The following MRAP2 variants were observed in gnomAD, a reference collection of about 807,000 sequenced individuals.
MRAP2 encodes melanocortin 2 receptor accessory protein 2.
Under a neutral mutation model 17.4 loss-of-function variants are expected in MRAP2, and 20 were observed. That is an observed-to-expected ratio of 1.15 (90% CI 0.81 to 1.67). The LOEUF is 1.67. Among genes scored for constraint, MRAP2 ranks in the 40% most tolerant of loss-of-function variants. The pLI, the probability that MRAP2 is intolerant of heterozygous loss-of-function variation, is 0.00. For synonymous variants in MRAP2, 96 were observed against 88.4 expected (o/e 1.09, Z -0.48); for missense variants, 238 against 240.0 (o/e 0.99, Z 0.05).
the MRAP2 span, among the ~76,000 whole-genome samples, chr6:84,137,695 G>A: frequency 6.6e-6 from 1 of 152,148 alleles, no homozygotes; most frequent in Non-Finnish European, 1.5e-5. Context: ...ACTGCAGGGT[G>A]TGAAGAAATA....
chr6:84,102,177 G>A, the MRAP2 span, among the ~76,000 whole-genome samples: 1 of 152,170 alleles, frequency 6.6e-6, no homozygotes, highest in East Asian at 1.9e-4. Flanking sequence ...AATTCATAGA[G>A]CGGTTTGAAG....
At chr6:84,053,860 T>G (rs1027464602) in intron 1 of MRAP2, among the ~76,000 whole-genome samples, 6 of 152,136 alleles carry the variant, frequency 3.9e-5, no homozygotes, top group African/African-American at 1.4e-4. Flanking sequence ...TTAGGCTTTT[T>G]GGGCCCATCC....
intron 1 of MRAP2, among the ~76,000 whole-genome samples, chr6:84,053,497 C>A (rs2099490962): frequency 2.6e-5 from 4 of 152,146 alleles, no homozygotes; most frequent in Non-Finnish European, 5.9e-5. Flanking sequence ...CCGTGGCTCA[C>A]AGTTGTAATC....
At chr6:84,108,798 A>G in the MRAP2 span, among the ~76,000 whole-genome samples, 1 of 152,160 alleles carries the variant, frequency 6.6e-6, no homozygotes, top group Non-Finnish European at 1.5e-5. Flanking sequence ...CAGGGTTTTT[A>G]TAGTTTGAGG....
At chr6:84,111,578 A>G in the MRAP2 span, among the ~76,000 whole-genome samples, 5 of 152,114 alleles carry the variant, frequency 3.3e-5, no homozygotes, top group Non-Finnish European at 5.9e-5. Context: ...CTCTTTTTCT[A>G]TTTGAATACC....
chr6:84,130,473 C>T, the MRAP2 span, among the ~76,000 whole-genome samples: 4 of 152,166 alleles, frequency 2.6e-5, no homozygotes, highest in African/African-American at 9.6e-5. Flanking sequence ...TTCGGCTGTG[C>T]ACCCATCCAG....
intron 3 of MRAP2, among the ~76,000 whole-genome samples, chr6:84,069,038 T>A (rs1031175678): frequency 3.9e-5 from 6 of 152,178 alleles, no homozygotes; most frequent in African/African-American, 1.2e-4. Context: ...GATCATATCG[T>A]CAGCAAACAG....
At chr6:84,078,280 ACAAGT>A (rs2099498102) in intron 3 of MRAP2, among the ~76,000 whole-genome samples, 1 of 152,250 alleles carries the variant, frequency 6.6e-6, no homozygotes, top group African/African-American at 2.4e-5. Context: ...TAAAACTTCC[ACAAGT>A]CAAGAACAAA....
the MRAP2 span, among the ~76,000 whole-genome samples, chr6:84,105,718 T>C: frequency 2.0e-5 from 3 of 152,308 alleles, no homozygotes; most frequent in South Asian, 6.2e-4. Context: ...TTAGTCACTC[T>C]AGGCAATATC....
chr6:84,102,960 T>C, the MRAP2 span, among the ~76,000 whole-genome samples: 248 of 152,218 alleles, frequency 1.6e-3, no homozygotes, highest in Non-Finnish European at 3.0e-3. Flanking sequence ...AGAAGTAAAA[T>C]GATGACAGAG....
downstream of MRAP2, among the ~76,000 whole-genome samples, chr6:84,095,118 C>G (rs748155274): frequency 6.6e-6 from 1 of 152,196 alleles, no homozygotes; most frequent in Non-Finnish European, 1.5e-5. Flanking sequence ...CAAGGAGATG[C>G]TGTGCACACA....
the MRAP2 span, chr6:84,125,196 C>CT: frequency 6.2e-7 from 1 of 1,613,664 alleles, no homozygotes; most frequent in Non-Finnish European, 8.5e-7. Flanking sequence ...GCTCACGATT[C>CT]TTTAACTGTG....
intron 1 of MRAP2, among the ~76,000 whole-genome samples, chr6:84,042,427 G>C (rs560715530): frequency 6.6e-6 from 1 of 152,228 alleles, no homozygotes; most frequent in East Asian, 1.9e-4. Flanking sequence ...AAGGTGGCAG[G>C]AGCAAACATT....
the MRAP2 span, among the ~76,000 whole-genome samples, chr6:84,132,529 G>GACT: frequency 6.6e-6 from 1 of 152,222 alleles, no homozygotes; most frequent in South Asian, 2.1e-4. Context: ...TTTCTTGGAG[G>GACT]CTTTGTTCAT....
At chr6:84,045,375 G>GC (rs1441173188) in intron 1 of MRAP2, 3 of 985,132 alleles carry the variant, frequency 3.0e-6, no homozygotes, top group Non-Finnish European at 2.4e-6. Flanking sequence ...AGGCAAGCCT[G>GC]CCCCCAAGAC....
At chr6:84,096,479 C>T in the MRAP2 span, among the ~76,000 whole-genome samples, 1 of 152,098 alleles carries the variant, frequency 6.6e-6, no homozygotes, top group Non-Finnish European at 1.5e-5. Flanking sequence ...TATGACCTAC[C>T]AGTGTGAGTT....
At chr6:84,119,265 T>G in the MRAP2 span, among the ~76,000 whole-genome samples, 1 of 152,224 alleles carries the variant, frequency 6.6e-6, no homozygotes, top group Non-Finnish European at 1.5e-5. Context: ...ACAGATTACA[T>G]TGGGTAGTCT....
At chr6:84,047,382 G>C (rs57637233) in intron 1 of MRAP2, among the ~76,000 whole-genome samples, 2,408 of 151,464 alleles carry the variant, frequency 0.016, 63 homozygotes, top group African/African-American at 0.054. Flanking sequence ...GTAGAGACGG[G>C]GTTTTGCCAG....
intron 2 of MRAP2, 169 bp from the exon 3 acceptor site, chr6:84,062,724 C>T (rs866114909): frequency 1.0e-6 from 1 of 985,228 alleles, no homozygotes. Flanking sequence ...GCAGACTCTT[C>T]CCTCCTCCTC....
Sources: allele counts gnomAD v4.1 joint callset (sites outside exome capture counted in the v4.1 genomes callset), GRCh38; gene constraint gnomAD v4.1.1; transcripts MANE v1.5; gene names NCBI Gene and HGNC (gene_info 2026-07-23, HGNC 2026-07-21).